The following CSMD1 variants were observed in gnomAD, a reference collection of about 807,000 sequenced individuals.
CSMD1 encodes the protein CUB and sushi domain-containing protein 1.
CSMD1 carries 213 observed loss-of-function variants against 417.5 expected under a neutral mutation model. The ratio of observed to expected loss-of-function variants is 0.51; its 90% CI spans 0.46 to 0.57. The LOEUF is 0.57. Ranked by LOEUF, CSMD1 falls within the 20% of genes least tolerant of loss-of-function variation. CSMD1 has a pLI of 0.00. For missense variants in CSMD1, 6,923 were observed against 4,529.7 expected (o/e 1.53, Z -15.17); for synonymous variants, 2,862 against 1,736.8 (o/e 1.65, Z -16.11).
At chr8:4,927,237 T>C (rs1806933000) in intron 1 of CSMD1, among the ~76,000 whole-genome samples, 1 of 151,938 alleles carries the variant, frequency 6.6e-6, no homozygotes, top group Non-Finnish European at 1.5e-5. Flanking sequence ...TTTTTATTTT[T>C]AGTAGAGACA....
chr8:3,018,389 T>G, intron 52 of CSMD1, 88 bp downstream of exon 52: 2 of 1,240,698 alleles, frequency 1.6e-6, no homozygotes, highest in Non-Finnish European at 1.1e-6. Context: ...TAAGGCATTA[T>G]AGCAAGAAGT....
intron 2 of CSMD1, among the ~76,000 whole-genome samples, chr8:4,460,423 C>G (rs889689496): frequency 6.6e-6 from 1 of 151,934 alleles, no homozygotes; most frequent in African/African-American, 2.4e-5. Context: ...ACCTCACTGT[C>G]CTGGAAAAAG....
chr8:4,148,485 T>C (rs1010936035), intron 3 of CSMD1, among the ~76,000 whole-genome samples: 1 of 151,942 alleles, frequency 6.6e-6, no homozygotes, highest in Admixed American at 6.6e-5. Context: ...AACCTGCACA[T>C]TGTGCACATG....
At chr8:3,818,167 T>A (rs1029280031) in intron 5 of CSMD1, among the ~76,000 whole-genome samples, 1 of 152,024 alleles carries the variant, frequency 6.6e-6, no homozygotes, top group Non-Finnish European at 1.5e-5. Flanking sequence ...CTGACACTCA[T>A]AGGATGCCAA....
chr8:3,159,618 A>G (rs1819754718), intron 38 of CSMD1, among the ~76,000 whole-genome samples: 1 of 152,130 alleles, frequency 6.6e-6, no homozygotes, highest in Admixed American at 6.6e-5. Flanking sequence ...TTAGCAATTC[A>G]AAAAAAATCC....
At chr8:3,105,834 A>G (rs1816098562) in intron 46 of CSMD1, among the ~76,000 whole-genome samples, 1 of 152,266 alleles carries the variant, frequency 6.6e-6, no homozygotes, top group Non-Finnish European at 1.5e-5. Flanking sequence ...AAGATAACAG[A>G]TAGGCATGTG....
rs74620244 is a variant in CSMD1 at position 4,383,651 on chromosome 8, C to T, written c.415+36302G>A. Among the ~76,000 whole-genome samples, 1,039 of 152,168 alleles carry T rather than the reference C, an allele frequency of 6.8e-3. 24 individuals carry two copies. The East Asian group carries it at 0.094, about 14-fold the overall frequency. On this transcript the variant is annotated intron_variant, in intron 3 of 69. Coordinates refer to ENST00000635120, the MANE Select transcript of CSMD1 (RefSeq NM_033225.6). ...AGAATCAACTATGTACTTCAGTGTTCAGAGAAATATTCCAAAGAAAGAAAC... is the reference window on the plus strand; with the variant it reads ...AGAATCAACTATGTACTTCAGTGTTTAGAGAAATATTCCAAAGAAAGAAAC...
At chr8:4,693,013 G>A (rs760426564) in intron 1 of CSMD1, among the ~76,000 whole-genome samples, 1 of 152,082 alleles carries the variant, frequency 6.6e-6, no homozygotes, top group East Asian at 1.9e-4. Context: ...ATGGGAAAAC[G>A]TCAACTCCTG....
chr8:4,219,196 T>G (rs1800870654), intron 3 of CSMD1, among the ~76,000 whole-genome samples: 1 of 152,224 alleles, frequency 6.6e-6, no homozygotes, highest in Non-Finnish European at 1.5e-5. Context: ...CTGCAGAATT[T>G]CTGCTGTAAA....
At chr8:3,397,882 A>C (rs1484690228) in intron 16 of CSMD1, among the ~76,000 whole-genome samples, 1 of 152,102 alleles carries the variant, frequency 6.6e-6, no homozygotes, top group African/African-American at 2.4e-5. Context: ...TGTGCGCACA[A>C]TCCCATCCTT....
intron 1 of CSMD1, among the ~76,000 whole-genome samples, chr8:4,693,890 C>G (rs986786512): frequency 4.1e-5 from 2 of 49,356 alleles, no homozygotes; most frequent in Admixed American, 2.4e-4. Context: ...TCTTTTAACA[C>G]TAATATCACA....
In CSMD1 at chr8:4,739,201, C is replaced by A. The variant is rs190553086; in HGVS notation, c.86-101643G>T. Among the ~76,000 whole-genome samples the A allele has an allele frequency of 3.9e-5, 6 of 152,296 alleles. No individual in the cohort carries two copies. In the East Asian group the frequency reaches 1.2e-3, roughly 29 times the overall value. On this transcript the variant is annotated intron_variant, in intron 1 of 69. Coordinates refer to ENST00000635120, the MANE Select transcript of CSMD1 (RefSeq NM_033225.6). ...GATCCCGTGTATTTGTTCAATAATT[C>A]TATCTATTAAAGCAATCCTATGTTG...
At chr8:3,717,897 A>C (rs763549355) in intron 6 of CSMD1, among the ~76,000 whole-genome samples, 1 of 152,156 alleles carries the variant, frequency 6.6e-6, no homozygotes, top group East Asian at 1.9e-4. Context: ...AGTTTCCAAG[A>C]ATAATTTGCT....
At chr8:3,024,871 G>A (rs1188550910) in intron 51 of CSMD1, among the ~76,000 whole-genome samples, 1 of 150,726 alleles carries the variant, frequency 6.6e-6, no homozygotes, top group Non-Finnish European at 1.5e-5. Flanking sequence ...CATGTTGGAG[G>A]GAAACACAAG....
At chr8:4,325,986 G>A (rs970204011) in intron 3 of CSMD1, among the ~76,000 whole-genome samples, 4 of 152,054 alleles carry the variant, frequency 2.6e-5, no homozygotes, top group East Asian at 1.9e-4. Flanking sequence ...TCCTTCACCT[G>A]GGGTACGAAC....
chr8:4,436,983 T>C (rs558025550), intron 2 of CSMD1, among the ~76,000 whole-genome samples: 2 of 152,322 alleles, frequency 1.3e-5, no homozygotes, highest in East Asian at 1.9e-4. Flanking sequence ...TTGAATTTCT[T>C]GCTCAGCTTT....
intron 2 of CSMD1, among the ~76,000 whole-genome samples, chr8:4,559,979 C>T (rs1798257744): frequency 6.6e-6 from 1 of 152,194 alleles, no homozygotes; most frequent in South Asian, 2.1e-4. Context: ...CATAAATGTG[C>T]ACCTCCTGGC....
chr8:4,256,862 T>C (rs1399432371), intron 3 of CSMD1, among the ~76,000 whole-genome samples: 24 of 152,102 alleles, frequency 1.6e-4, no homozygotes, highest in Non-Finnish European at 1.5e-4. Context: ...CACCATCGCA[T>C]AAAGGGGGAG....
chr8:3,380,182 C>G (rs376823391), intron 18 of CSMD1, among the ~76,000 whole-genome samples: 231 of 152,264 alleles, frequency 1.5e-3, no homozygotes, highest in African/African-American at 5.3e-3. Flanking sequence ...ATCGAAACCA[C>G]AGTGAGACAC....
Sources: gnomAD v4.1 joint callset for allele counts (sites outside exome capture counted in the v4.1 genomes callset) on GRCh38, gnomAD v4.1.1 for gene constraint, MANE v1.5 for transcripts, NCBI Gene and HGNC (gene_info 2026-07-23, HGNC 2026-07-21) for gene names.